Variants in EVI5 observed in about 807,000 individuals in gnomAD.
The protein encoded by EVI5 is ecotropic viral integration site 5.
EVI5 carries 73 observed loss-of-function variants against 112.0 expected under a neutral mutation model. The ratio of observed to expected loss-of-function variants is 0.65; its 90% confidence interval spans 0.54 to 0.79. The LOEUF is 0.79. Ranked by LOEUF, EVI5 falls within the 30% of genes least tolerant of loss-of-function variation. EVI5 has a pLI of 0.00. For missense variants in EVI5, 900 were observed against 968.8 expected (o/e 0.93, Z 0.94); for synonymous variants, 305 against 319.9 (o/e 0.95, Z 0.50).
chr1:92,564,080 C>G (rs182758044), intron 18 of EVI5, among the ~76,000 whole-genome samples: 1 of 152,232 alleles, frequency 6.6e-6, no homozygotes, highest in East Asian at 1.9e-4. Flanking sequence ...TGTGCCACCA[C>G]GCCTGGCTAA....
chr1:92,679,099 G>A (rs1490410213), intron 9 of EVI5, among the ~76,000 whole-genome samples: 1 of 152,206 alleles, frequency 6.6e-6, no homozygotes, highest in Non-Finnish European at 1.5e-5. Flanking sequence ...TGTCAGATCA[G>A]TGGCAGCATT....
At chr1:92,722,091 A>G (rs772641685) in intron 2 of EVI5, among the ~76,000 whole-genome samples, 15 of 152,260 alleles carry the variant, frequency 9.9e-5, no homozygotes, top group Admixed American at 2.6e-4. Context: ...TACAAATTGT[A>G]TATATTTATC....
At chr1:92,620,815 T>C (rs1459518060) in intron 16 of EVI5, among the ~76,000 whole-genome samples, 1 of 152,116 alleles carries the variant, frequency 6.6e-6, no homozygotes, top group African/African-American at 2.4e-5. Flanking sequence ...TGAAACAGAA[T>C]ATCTTGAAGG....
At chr1:92,581,710 T>C (rs1469609507) in intron 18 of EVI5, among the ~76,000 whole-genome samples, 1 of 151,844 alleles carries the variant, frequency 6.6e-6, no homozygotes, top group African/African-American at 2.4e-5. Context: ...AAAAAAACTA[T>C]TTACTATTTT....
At chr1:92,517,943 G>A (rs563474530) in intron 19 of EVI5, among the ~76,000 whole-genome samples, 3 of 148,166 alleles carry the variant, frequency 2.0e-5, no homozygotes, top group Admixed American at 1.4e-4. Flanking sequence ...TGTTGCCCAG[G>A]CTGGAGTGCA....
Position 92,703,395 on chromosome 1 carries a change from C to G in EVI5, c.564G>C (p.Lys188Asn). The G allele has an allele frequency of 6.7e-7, 1 of 1,498,436 alleles. No homozygotes were observed. Among genetic ancestry groups the G allele is most frequent in the Non-Finnish European group, 9.0e-7 (1 of 1,109,202 alleles). The allele number at this position is 1,498,436 out of a possible 1,614,324, so 92.8% of individuals were successfully genotyped here. A position where few individuals can be genotyped will look rare whatever the true frequency, so the allele number is the denominator to read the frequency against. Residue 188 changes from lysine (K) to asparagine (N), a missense_variant and splice_region_variant, in exon 4 of 20, where the codon AAG becomes AAC. Transcript: ENST00000684568. ...CAAAAAATGAATAAATAAAACTTAC[C>G]TTCATTACATTAAATAAAACCTCCT... ...LGQEVLFNVM[K>N]AYSLVDREVG...
At position 92,509,079 on chromosome 1, in the gene EVI5, G is replaced by C. The variant is rs150157046; in HGVS notation, c.*4577C>G. On this transcript the variant is annotated 3_prime_UTR_variant, in exon 20 of 20. Transcript: ENST00000684568. ...ATTTCATGAAATGTTCGCTGTCAATGTCTGGTATGTTAATATACATTAATC... is the reference window on the plus strand; with the variant it reads ...ATTTCATGAAATGTTCGCTGTCAATCTCTGGTATGTTAATATACATTAATC... 2.0e-5 allele frequency: 3 copies of C among 152,152 alleles called. No homozygotes were observed. The highest frequency in any genetic ancestry group is 1.9e-4 in the East Asian group (1 of 5,198). 9.4% of individuals were successfully genotyped at this position (152,152 alleles called of 1,614,324 possible).
intron 16 of EVI5, among the ~76,000 whole-genome samples, chr1:92,622,690 T>C (rs72966725): frequency 6.6e-6 from 1 of 152,384 alleles, no homozygotes; most frequent in African/African-American, 2.4e-5. Flanking sequence ...AAAAATTTCA[T>C]GGATTACCAC....
At chr1:92,522,078 T>C (rs1470858017) in intron 19 of EVI5, among the ~76,000 whole-genome samples, 1 of 152,236 alleles carries the variant, frequency 6.6e-6, no homozygotes, top group South Asian at 2.1e-4. Context: ...CTTGTTGTCA[T>C]AATCTTTTAC....
chr1:92,718,189 AGACCT>A (rs566650204), intron 2 of EVI5, among the ~76,000 whole-genome samples: 69 of 152,298 alleles, frequency 4.5e-4, no homozygotes, highest in African/African-American at 1.5e-3. Context: ...TCGAGCAAGC[AGACCT>A]AATAGACATC....
At chr1:92,599,036 T>C (rs1236122115) in intron 18 of EVI5, among the ~76,000 whole-genome samples, 3 of 151,792 alleles carry the variant, frequency 2.0e-5, no homozygotes, top group African/African-American at 7.3e-5. Context: ...AATTTCAGTC[T>C]ACCTATATCT....
rs201757317 is a variant in EVI5 at position 92,512,465 on chromosome 1, A to C, written c.*1191T>G. ...TATTGAATGCTAAGCAAAATACTAA[A>C]GCTCTTAAAACATTAGTGTTTTATT... On this transcript the variant is annotated 3_prime_UTR_variant, in exon 20 of 20. Transcript: ENST00000684568. 3.9e-4 allele frequency: 60 copies of C among 152,370 alleles called. No homozygotes were observed. The highest frequency in any genetic ancestry group is 1.4e-3 in the African/African-American group (60 of 41,596). 9.4% of individuals were successfully genotyped at this position (152,370 alleles called of 1,614,324 possible).
chr1:92,763,338 T>C (rs1224676604), intron 1 of EVI5, among the ~76,000 whole-genome samples: 2 of 152,138 alleles, frequency 1.3e-5, no homozygotes, highest in Non-Finnish European at 1.5e-5. Context: ...ATTTTGATAA[T>C]TTTTATATTA....
chr1:92,686,593 G>A (rs1668570999), intron 9 of EVI5, among the ~76,000 whole-genome samples: 1 of 152,162 alleles, frequency 6.6e-6, no homozygotes, highest in African/African-American at 2.4e-5. Context: ...TAGGAAAAGA[G>A]GAAGTCAAAT....
chr1:92,743,243 C>T (rs1558186314), intron 1 of EVI5, among the ~76,000 whole-genome samples: 1 of 152,066 alleles, frequency 6.6e-6, no homozygotes, highest in Non-Finnish European at 1.5e-5. Flanking sequence ...ATCCCAGCTA[C>T]TTGGGAGGTT....
chr1:92,532,406 G>C (rs1441721408), intron 19 of EVI5, among the ~76,000 whole-genome samples: 1 of 151,924 alleles, frequency 6.6e-6, no homozygotes, highest in Non-Finnish European at 1.5e-5. Flanking sequence ...GATATCCAGG[G>C]CTTAAAATCA....
At chr1:92,526,702 A>G (rs1661938089) in intron 19 of EVI5, among the ~76,000 whole-genome samples, 1 of 152,016 alleles carries the variant, frequency 6.6e-6, no homozygotes, top group African/African-American at 2.4e-5. Context: ...GAAGGAGAAG[A>G]GGGATGAACA....
chr1:92,609,641 T>C (rs1042032744), intron 16 of EVI5, among the ~76,000 whole-genome samples: 1 of 152,178 alleles, frequency 6.6e-6, no homozygotes, highest in Non-Finnish European at 1.5e-5. Context: ...ATTACAGGCA[T>C]GAGCCACTGC....
At position 92,784,847 on chromosome 1, in the gene EVI5, T is replaced by C. The variant is rs2103129865; in HGVS notation, c.-93A>G. On this transcript the variant is annotated 5_prime_UTR_variant, in exon 1 of 20. Transcript: ENST00000684568. The stretch of plus-strand genomic sequence containing the variant: ...GCAGCGCCCCTCACCTTGGAAACGT[T>C]GAGTAGACTTCGCCGTAAACATTAA... 2 of 985,212 alleles carry C rather than the reference T, an allele frequency of 2.0e-6. No individual in the cohort carries two copies. Among genetic ancestry groups the C allele is most frequent in the Non-Finnish European group, 2.4e-6 (2 of 830,198 alleles). 61.0% of individuals were successfully genotyped at this position (985,212 alleles called of 1,614,324 possible). A position where few individuals can be genotyped will look rare whatever the true frequency, so the allele number is the denominator to read the frequency against.
Sources: gnomAD v4.1 joint callset for allele counts (sites outside exome capture counted in the v4.1 genomes callset) on GRCh38, gnomAD v4.1.1 for gene constraint, MANE v1.5 for transcripts, NCBI Gene and HGNC (gene_info 2026-07-23, HGNC 2026-07-21) for gene names.